Variants in PRKN observed in about 807,000 individuals in gnomAD.
PRKN encodes the protein parkin RBR E3 ubiquitin protein ligase.
PRKN carries 56 observed loss-of-function variants against 59.5 expected under a neutral mutation model. The observed-to-expected ratio is 0.94, with a 90% CI of 0.76 to 1.18. The LOEUF (loss-of-function observed/expected upper bound fraction) is 1.18. PRKN is among the 50% of genes most tolerant of loss of function. The pLI, the probability that PRKN is intolerant of heterozygous loss-of-function variation, is 0.00. For synonymous variants in PRKN, 250 were observed against 222.1 expected (o/e 1.13, Z -1.12); for missense variants, 657 against 596.4 (o/e 1.10, Z -1.06).
chr6:161,892,345 C>T (rs1795373519), intron 6 of PRKN, among the ~76,000 whole-genome samples: 1 of 151,202 alleles, frequency 6.6e-6, no homozygotes, highest in Non-Finnish European at 1.5e-5. Context: ...GCAAGAGGAT[C>T]GCTTGAGGCC....
At chr6:162,617,517 T>A (rs1200992018) in intron 1 of PRKN, among the ~76,000 whole-genome samples, 1 of 152,090 alleles carries the variant, frequency 6.6e-6, no homozygotes, top group African/African-American at 2.4e-5. Flanking sequence ...CAGGCATGAG[T>A]CACCATGCCT....
intron 4 of PRKN, among the ~76,000 whole-genome samples, chr6:162,110,935 G>A (rs762034345): frequency 7.2e-5 from 11 of 152,306 alleles, no homozygotes; most frequent in Non-Finnish European, 1.0e-4. Flanking sequence ...GGACTGGCCT[G>A]ACGTCTTTAA....
intron 3 of PRKN, among the ~76,000 whole-genome samples, chr6:162,237,912 C>G (rs556118323): frequency 6.6e-6 from 1 of 152,060 alleles, no homozygotes; most frequent in Admixed American, 6.5e-5. Context: ...CTCCTTTGTC[C>G]CTGTACATAC....
At chr6:162,405,357 T>A (rs1025958822) in intron 2 of PRKN, among the ~76,000 whole-genome samples, 1 of 152,136 alleles carries the variant, frequency 6.6e-6, no homozygotes, top group Non-Finnish European at 1.5e-5. Flanking sequence ...TTTCTCTAAG[T>A]CGCCCTCACA....
intron 2 of PRKN, among the ~76,000 whole-genome samples, chr6:162,350,935 T>A (rs938757788): frequency 6.6e-5 from 10 of 152,164 alleles, no homozygotes; most frequent in Admixed American, 4.6e-4. Flanking sequence ...TAAAGAGGAC[T>A]TATGTCTGTA....
At chr6:161,523,937 T>C (rs1464413459) in intron 9 of PRKN, among the ~76,000 whole-genome samples, 2 of 152,130 alleles carry the variant, frequency 1.3e-5, no homozygotes, top group Admixed American at 6.6e-5. Flanking sequence ...AGAGAGAGAC[T>C]GGGAATAACA....
chr6:162,284,042 T>C (rs1459621600), intron 2 of PRKN, among the ~76,000 whole-genome samples: 1 of 151,576 alleles, frequency 6.6e-6, no homozygotes, highest in Non-Finnish European at 1.5e-5. Flanking sequence ...ATCAGTAAAA[T>C]AAACAAATCT....
chr6:162,173,343 A>G (rs1315150267), intron 4 of PRKN, among the ~76,000 whole-genome samples: 1 of 152,142 alleles, frequency 6.6e-6, no homozygotes, highest in African/African-American at 2.4e-5. Context: ...AGCACCGAGT[A>G]CAAGATGGAA....
chr6:161,585,258 T>C (rs1781480897), intron 7 of PRKN, among the ~76,000 whole-genome samples: 1 of 152,104 alleles, frequency 6.6e-6, no homozygotes, highest in South Asian at 2.1e-4. Flanking sequence ...TACAAGAAGG[T>C]TTTGTTGATA....
In PRKN at chr6:161,353,627, T is replaced by C. The variant is rs532581128; in HGVS notation, c.1286-3416A>G. 1.2e-3 allele frequency among the ~76,000 whole-genome samples: 185 copies of C among 152,326 alleles called. 1 individual carries two copies. Among genetic ancestry groups the C allele is most frequent in the Non-Finnish European group, 2.3e-3 (155 of 68,034 alleles). On this transcript the variant is annotated intron_variant, in intron 11 of 11. Coordinates refer to ENST00000366898, the MANE Select transcript of PRKN (RefSeq NM_004562.3). The surrounding 1 kb of genome is among the most constrained non-coding windows in gnomAD (Gnocchi z 4.8). ...CCTCTGCATCTCTTCATCTGTATCT[T>C]TTGTAATATCCTTTATAATAAACTG...
rs10629175 is a variant in PRKN at position 162,503,136 on chromosome 6, C to CTTTTTTTTTTTT, written c.8-59675_8-59664dup. Among the ~76,000 whole-genome samples, 108 of 81,080 alleles carry CTTTTTTTTTTTT rather than the reference C, an allele frequency of 1.3e-3. 1 individual carries two copies. Among genetic ancestry groups the CTTTTTTTTTTTT allele is most frequent in the Middle Eastern group, 0.015 (1 of 68 alleles). 53.2% of individuals were successfully genotyped at this position (81,080 alleles called of 152,430 possible). A position where few individuals can be genotyped will look rare whatever the true frequency, so the allele number is the denominator to read the frequency against. ...ACCCTACAGAAAATAGTCTTCATTTCTTTTTTTTTTTTTTTTTTTTTTTGT... is the reference window on the plus strand; with the variant it reads ...ACCCTACAGAAAATAGTCTTCATTTCTTTTTTTTTTTTTTTTTTTTTTTTTTTTTTTTTTTGT... On this transcript the variant is annotated intron_variant, in intron 1 of 11. Transcript: ENST00000366898.
chr6:162,037,544 CTTT>C (rs543590715), intron 5 of PRKN, among the ~76,000 whole-genome samples: 4 of 137,388 alleles, frequency 2.9e-5, no homozygotes, highest in Non-Finnish European at 1.6e-5. Flanking sequence ...TTACCCTCTG[CTTT>C]TTTTTTTTTT....
At chr6:162,495,374 T>G (rs138598512) in intron 1 of PRKN, among the ~76,000 whole-genome samples, 1 of 152,222 alleles carries the variant, frequency 6.6e-6, no homozygotes, top group Non-Finnish European at 1.5e-5. Context: ...TTTTGGTCTT[T>G]TTATTTCAGT....
At chr6:162,489,192 T>C (rs1480414334) in intron 1 of PRKN, among the ~76,000 whole-genome samples, 1 of 152,178 alleles carries the variant, frequency 6.6e-6, no homozygotes, top group Admixed American at 6.5e-5. Context: ...GTATAAACCT[T>C]AAACAAAGTT....
rs1435959722 is a variant in PRKN, at chr6:161,454,220, G to C, written c.1084-67343C>G. Among the ~76,000 whole-genome samples the C allele has an allele frequency of 6.6e-6, 1 of 152,144 alleles. No homozygotes were observed. The highest frequency in any genetic ancestry group is 6.5e-5 in the Admixed American group (1 of 15,280). On this transcript the variant is annotated intron_variant, in intron 9 of 11. Transcript: ENST00000366898. This position sits in a 1 kb window ranked among gnomAD's most constrained non-coding sequence, Gnocchi z 4.6. ...ACAGAACGGCAGCATGGGTTCTATA[G>C]GTCGGGGTGGCATTAGCACTGACGG...
intron 3 of PRKN, among the ~76,000 whole-genome samples, chr6:162,257,147 C>T (rs559673612): frequency 6.6e-6 from 1 of 152,290 alleles, no homozygotes; most frequent in Admixed American, 6.5e-5. Context: ...TATTTCATGA[C>T]ATGTCTCCTC....
At chr6:161,698,627 A>G (rs1162118666) in intron 7 of PRKN, among the ~76,000 whole-genome samples, 2 of 152,150 alleles carry the variant, frequency 1.3e-5, no homozygotes, top group Admixed American at 1.3e-4. Flanking sequence ...ATAGATCAAG[A>G]CAAAAGGATA....
rs546049787 is a variant in PRKN at position 161,735,586 on chromosome 6, C to T, written c.871+50186G>A. Among the ~76,000 whole-genome samples the T allele has an allele frequency of 9.2e-5, 14 of 152,216 alleles. No individual in the cohort carries two copies. In the East Asian group the frequency reaches 1.2e-3, roughly 13 times the overall value. On this transcript the variant is annotated intron_variant, in intron 7 of 11. Transcript: ENST00000366898. ...CTGTGCAGGGGCTCAGAACACCTAA[C>T]GCCTGTGTTGCTCAAGGATCAACTG... is the stretch of plus-strand genomic sequence containing the variant.
chr6:161,766,313 C>A (rs1562666968), intron 7 of PRKN, among the ~76,000 whole-genome samples: 1 of 82,582 alleles, frequency 1.2e-5, no homozygotes, highest in African/African-American at 4.1e-5. Context: ...TCATTGACCA[C>A]ATTTTTTTTT....
Sources: allele counts gnomAD v4.1 joint callset (sites outside exome capture counted in the v4.1 genomes callset), GRCh38; gene constraint gnomAD v4.1.1; non-coding constraint Gnocchi (gnomAD v3.1); transcripts MANE v1.5; gene names NCBI Gene and HGNC (gene_info 2026-07-23, HGNC 2026-07-21).